Variants in CAMTA1 observed in about 807,000 individuals in gnomAD.
CAMTA1 encodes calmodulin binding transcription activator 1.
In CAMTA1, 27 loss-of-function variants were observed where a neutral mutation model predicts 170.9. The ratio of observed to expected loss-of-function variants is 0.16; its 90% CI spans 0.12 to 0.22. The LOEUF (loss-of-function observed/expected upper bound fraction) is 0.22, where lower values mean the gene tolerates loss of function less well. Among genes scored for constraint, CAMTA1 ranks in the 10% least tolerant of loss-of-function variants. The pLI is 1.00. For missense variants in CAMTA1, 1,619 were observed against 2,217.2 expected (o/e 0.73, Z 5.42); for synonymous variants, 833 against 891.5 (o/e 0.93, Z 1.17).
In CAMTA1 at chr1:7,205,020, G is replaced by A. The variant is rs184158396; in HGVS notation, c.303-44471G>A. Among the ~76,000 whole-genome samples the A allele has an allele frequency of 3.3e-3, 494 of 151,684 alleles. 3 individuals carry two copies. Among genetic ancestry groups the A allele is most frequent in the African/African-American group, 0.011 (469 of 41,366 alleles). ...ATTTTTTTGTATTTTTAGTAGAGAC[G>A]GGGTTTCACCATGTTAGCCAGGATG... On this transcript the variant is annotated intron_variant, in intron 4 of 22. Coordinates refer to ENST00000303635, the MANE Select transcript of CAMTA1 (RefSeq NM_015215.4).
At chr1:7,142,641 G>A (rs1361901385) in intron 4 of CAMTA1, among the ~76,000 whole-genome samples, 3 of 152,180 alleles carry the variant, frequency 2.0e-5, no homozygotes, top group Non-Finnish European at 4.4e-5. Context: ...TCCTCCAGGA[G>A]CTGGTTGTTT....
At chr1:7,746,179 A>G (rs2096855761) in intron 18 of CAMTA1, 88 bp downstream of exon 18, 1 of 1,464,506 alleles carries the variant, frequency 6.8e-7, no homozygotes, top group Non-Finnish European at 9.3e-7. Context: ...AAAAACATTT[A>G]CTATTTCTTT....
intron 6 of CAMTA1, among the ~76,000 whole-genome samples, chr1:7,479,394 G>T (rs1315748950): frequency 6.6e-6 from 1 of 152,142 alleles, no homozygotes; most frequent in Non-Finnish European, 1.5e-5. Context: ...GATCTGGGGT[G>T]GGGGTGGTAC....
At position 7,044,969 on chromosome 1, in the gene CAMTA1, C is replaced by T. The variant is rs949494275; in HGVS notation, c.235-46335C>T. Among the ~76,000 whole-genome samples the T allele has an allele frequency of 2.6e-5, 4 of 152,056 alleles. No homozygotes were observed. Among genetic ancestry groups the T allele is most frequent in the African/African-American group, 9.7e-5 (4 of 41,390 alleles). On this transcript the variant is annotated intron_variant, in intron 3 of 22. Transcript: ENST00000303635. The surrounding 1 kb of genome is among the most constrained non-coding windows in gnomAD (Gnocchi z 5.0). ...GCTTCCTATGTTTCTTTGGAAGCAG[C>T]CTCTTCATAAACCCAGTGAATAAAT... is the stretch of plus-strand genomic sequence containing the variant.
intron 3 of CAMTA1, among the ~76,000 whole-genome samples, chr1:6,985,224 G>A (rs1482395304): frequency 6.6e-6 from 1 of 152,242 alleles, no homozygotes; most frequent in African/African-American, 2.4e-5. Context: ...TGCAGCTGTA[G>A]CTACGGGGGC....
chr1:7,723,848 G>C (rs1440445261), intron 11 of CAMTA1, among the ~76,000 whole-genome samples: 1 of 152,224 alleles, frequency 6.6e-6, no homozygotes, highest in Non-Finnish European at 1.5e-5. Flanking sequence ...GTTTCACTCT[G>C]TCACCCAGAC....
At chr1:7,338,810 C>T (rs753006007) in intron 5 of CAMTA1, among the ~76,000 whole-genome samples, 7 of 152,324 alleles carry the variant, frequency 4.6e-5, no homozygotes, top group South Asian at 4.1e-4. Flanking sequence ...TGGACTAGTC[C>T]GTTCTCACAC....
intron 6 of CAMTA1, among the ~76,000 whole-genome samples, chr1:7,519,442 G>A (rs946675710): frequency 3.9e-5 from 6 of 151,968 alleles, no homozygotes; most frequent in African/African-American, 1.5e-4. Flanking sequence ...GGAGGGGGAA[G>A]CCCAGGATCC....
chr1:7,517,965 A>G (rs1266365717), intron 6 of CAMTA1, among the ~76,000 whole-genome samples: 1 of 151,924 alleles, frequency 6.6e-6, no homozygotes, highest in Non-Finnish European at 1.5e-5. Context: ...AGCCTGGGCA[A>G]TTGACTGAAC....
At chr1:6,986,648 C>G (rs1184135548) in intron 3 of CAMTA1, among the ~76,000 whole-genome samples, 2 of 152,050 alleles carry the variant, frequency 1.3e-5, no homozygotes, top group African/African-American at 4.8e-5. Flanking sequence ...CAGAGAAATG[C>G]CATCTTCTGG....
chr1:7,566,935 C>A (rs17031145), intron 6 of CAMTA1, among the ~76,000 whole-genome samples: 6,720 of 152,254 alleles, frequency 0.044, 516 homozygotes, highest in African/African-American at 0.15. Flanking sequence ...ACCTTGCCTG[C>A]TAGTAGGAAG....
chr1:7,614,499 TC>T (rs1236206865), intron 6 of CAMTA1, among the ~76,000 whole-genome samples: 1 of 152,132 alleles, frequency 6.6e-6, no homozygotes, highest in Non-Finnish European at 1.5e-5. Flanking sequence ...CGTGCGACCT[TC>T]CCGGAATAAC....
intron 6 of CAMTA1, among the ~76,000 whole-genome samples, chr1:7,487,713 G>C (rs1575573437): frequency 6.6e-6 from 1 of 152,192 alleles, no homozygotes; most frequent in Non-Finnish European, 1.5e-5. Context: ...AGAGCAGAGG[G>C]ACAAGACTGC....
chr1:7,343,314 A>C (rs957369634), intron 5 of CAMTA1, among the ~76,000 whole-genome samples: 1 of 152,102 alleles, frequency 6.6e-6, no homozygotes, highest in African/African-American at 2.4e-5. Context: ...TGTGGGGCTC[A>C]TGGCACACGG....
chr1:6,887,505 C>A lies in CAMTA1; in HGVS notation c.234+62295C>A. On this transcript the variant is annotated intron_variant, in intron 3 of 22. Coordinates refer to ENST00000303635, the MANE Select transcript of CAMTA1 (RefSeq NM_015215.4). The surrounding 1 kb of genome is among the most constrained non-coding windows in gnomAD (Gnocchi z 4.1). ...AGATACATACCTGTTCATCTGTATACGTATGTGTGTGTTTAATATATACTT... is the reference window on the plus strand; with the variant it reads ...AGATACATACCTGTTCATCTGTATAAGTATGTGTGTGTTTAATATATACTT... 8.7e-7 allele frequency: 1 copy of A among 1,148,434 alleles called. No individual in the cohort carries two copies. Among genetic ancestry groups the A allele is most frequent in the Non-Finnish European group, 1.2e-6 (1 of 835,036 alleles). The allele number at this position is 1,148,434 out of a possible 1,614,324, so 71.1% of individuals were successfully genotyped here.
chr1:6,811,616 A>G (rs1390642348), intron 1 of CAMTA1, among the ~76,000 whole-genome samples: 2 of 152,148 alleles, frequency 1.3e-5, no homozygotes, highest in East Asian at 3.9e-4. Flanking sequence ...CTGATAATGA[A>G]GCATATTAGA....
intron 3 of CAMTA1, chr1:6,886,174 C>T: frequency 4.4e-6 from 2 of 454,536 alleles, no homozygotes; most frequent in Non-Finnish European, 8.8e-6. Flanking sequence ...ACCTTCAAGC[C>T]CAAAATGTAA....
intron 6 of CAMTA1, among the ~76,000 whole-genome samples, chr1:7,492,995 GCACA>G (rs992955438): frequency 2.4e-5 from 3 of 124,672 alleles, no homozygotes; most frequent in East Asian, 2.7e-4. Context: ...ATACAAACGC[GCACA>G]CAAACACAAA....
At chr1:7,028,180 C>T (rs886413249) in intron 3 of CAMTA1, among the ~76,000 whole-genome samples, 21 of 152,212 alleles carry the variant, frequency 1.4e-4, no homozygotes, top group South Asian at 6.2e-4. Context: ...GCTGGGATTA[C>T]AGGCGTGTGC....
Sources: gnomAD v4.1 joint callset for allele counts (sites outside exome capture counted in the v4.1 genomes callset) on GRCh38, gnomAD v4.1.1 for gene constraint, Gnocchi (gnomAD v3.1) non-coding constraint, MANE v1.5 for transcripts, NCBI Gene and HGNC (gene_info 2026-07-23, HGNC 2026-07-21) for gene names.